The following OPCML variants were observed in gnomAD, a reference collection of about 807,000 sequenced individuals.
The protein encoded by OPCML is opioid binding protein/cell adhesion molecule like.
OPCML carries 13 observed loss-of-function variants against 37.8 expected under a neutral mutation model. That is an observed-to-expected ratio of 0.34 (90% CI 0.22 to 0.55). OPCML has a LOEUF of 0.55. Ranked by LOEUF, OPCML falls within the 20% of genes least tolerant of loss-of-function variation. The pLI is 0.91. For synonymous variants in OPCML, 176 were observed against 168.8 expected (o/e 1.04, Z -0.33); for missense variants, 341 against 435.6 (o/e 0.78, Z 1.93).
At chr11:132,437,703 A>G (rs2096017936) in intron 4 of OPCML, among the ~76,000 whole-genome samples, 1 of 152,254 alleles carries the variant, frequency 6.6e-6, no homozygotes, top group African/African-American at 2.4e-5. Context: ...TGATATTTTA[A>G]AAAGAACTGT....
At chr11:133,171,261 G>A (rs769809733) in intron 1 of OPCML, among the ~76,000 whole-genome samples, 9 of 152,172 alleles carry the variant, frequency 5.9e-5, no homozygotes, top group Admixed American at 2.0e-4. Context: ...CATTATCTCT[G>A]TCTTCCATTA....
intron 1 of OPCML, chr11:133,301,353 T>A (rs1237883408): frequency 1.3e-5 from 2 of 152,212 alleles, no homozygotes; most frequent in Non-Finnish European, 2.9e-5. Context: ...TTCTACAAAT[T>A]TTGGAAACAA....
chr11:132,559,953 C>T (rs1027396079), intron 3 of OPCML, among the ~76,000 whole-genome samples: 10 of 152,184 alleles, frequency 6.6e-5, no homozygotes, highest in African/African-American at 2.2e-4. Context: ...AAGTATCCCT[C>T]ACTTTATATA....
chr11:133,047,281 C>T (rs1473572793), intron 1 of OPCML, among the ~76,000 whole-genome samples: 2 of 152,218 alleles, frequency 1.3e-5, no homozygotes. Context: ...ATGAGTGTTC[C>T]TCTGAGTTCA....
chr11:132,804,984 T>A (rs1332523964), intron 2 of OPCML, among the ~76,000 whole-genome samples: 1 of 152,180 alleles, frequency 6.6e-6, no homozygotes, highest in Non-Finnish European at 1.5e-5. Context: ...AAAGCAGCCA[T>A]TATAAATATA....
intron 1 of OPCML, among the ~76,000 whole-genome samples, chr11:133,116,805 C>CATGCATATATATATATATATATATAT (rs1949341565): frequency 6.9e-6 from 1 of 144,158 alleles, no homozygotes; most frequent in Non-Finnish European, 1.5e-5. Context: ...TAAAACTATA[C>CATGCATATATATATATATATATATAT]ATATATATAT....
At chr11:132,609,390 C>G (rs1364080302) in intron 3 of OPCML, among the ~76,000 whole-genome samples, 2 of 152,186 alleles carry the variant, frequency 1.3e-5, no homozygotes, top group African/African-American at 2.4e-5. Flanking sequence ...TCCACCAGGC[C>G]TCACTGCCTC....
At chr11:133,008,213 G>T in intron 1 of OPCML, 1 of 985,404 alleles carries the variant, frequency 1.0e-6, no homozygotes, top group South Asian at 4.7e-5. Flanking sequence ...ATTAAGCTCA[G>T]ACCCTACACA....
At chr11:133,186,484 G>A (rs996706517) in intron 1 of OPCML, among the ~76,000 whole-genome samples, 4 of 149,334 alleles carry the variant, frequency 2.7e-5, no homozygotes, top group African/African-American at 9.9e-5. Flanking sequence ...GAATACAGGA[G>A]AGATGAGAGA....
chr11:133,298,244 AAAGAT>A (rs1942677458), intron 1 of OPCML: 2 of 152,182 alleles, frequency 1.3e-5, no homozygotes, highest in African/African-American at 4.8e-5. Flanking sequence ...GACACAGTAT[AAAGAT>A]AGCCAAGAAG....
chr11:133,026,883 TAG>T (rs1277915956), intron 1 of OPCML, among the ~76,000 whole-genome samples: 1 of 152,212 alleles, frequency 6.6e-6, no homozygotes, highest in Admixed American at 6.5e-5. Flanking sequence ...ATACATATGT[TAG>T]AGTGTCTTGA....
intron 2 of OPCML, among the ~76,000 whole-genome samples, chr11:132,921,742 A>G (rs895066582): frequency 3.0e-4 from 45 of 152,296 alleles, no homozygotes; most frequent in African/African-American, 1.0e-3. Context: ...GTTGTATGAG[A>G]AGGTGATGTC....
intron 4 of OPCML, among the ~76,000 whole-genome samples, chr11:132,439,138 C>A (rs2136758729): frequency 6.6e-6 from 1 of 152,194 alleles, no homozygotes; most frequent in South Asian, 2.1e-4. Context: ...TGACAGGGTC[C>A]CAAAATGTAC....
chr11:132,664,293 T>C (rs1188983948), intron 2 of OPCML, among the ~76,000 whole-genome samples: 4 of 152,180 alleles, frequency 2.6e-5, no homozygotes, highest in African/African-American at 4.8e-5. Flanking sequence ...TGGAAATCCA[T>C]GAAAATCTTG....
At chr11:132,470,763 T>C (rs1299552814) in intron 4 of OPCML, among the ~76,000 whole-genome samples, 1 of 152,224 alleles carries the variant, frequency 6.6e-6, no homozygotes, top group Non-Finnish European at 1.5e-5. Flanking sequence ...GAGCTAGGAT[T>C]GAAACCCAGA....
At chr11:133,493,363 G>A (rs539525379) in intron 1 of OPCML, among the ~76,000 whole-genome samples, 1 of 152,352 alleles carries the variant, frequency 6.6e-6, no homozygotes, top group East Asian at 1.9e-4. Context: ...TAAGTAGAAA[G>A]TGAGGATAAA....
At position 133,140,886 on chromosome 11, in the gene OPCML, C is replaced by CAACGAAGAA. The variant is rs1949787033; in HGVS notation, c.62-197877_62-197876insTTCTTCGTT. ...ACGACGACGACGAAGAAGACGACGA[C>CAACGAAGAA]GACGACGAAGACGACGACGACGAAG... On this transcript the variant is annotated intron_variant, in intron 1 of 7. Transcript: ENST00000524381. Among the ~76,000 whole-genome samples, 2 of 10,090 alleles carry CAACGAAGAA rather than the reference C, an allele frequency of 2.0e-4. 1 individual carries two copies. Among genetic ancestry groups the CAACGAAGAA allele is most frequent in the Non-Finnish European group, 1.2e-3 (2 of 1,666 alleles). The allele number at this position is 10,090 out of a possible 152,430, so 6.6% of individuals were successfully genotyped here.
intron 1 of OPCML, among the ~76,000 whole-genome samples, chr11:133,119,744 A>G (rs1490575189): frequency 6.6e-6 from 1 of 152,208 alleles, no homozygotes; most frequent in Non-Finnish European, 1.5e-5. Flanking sequence ...AGTAATGAGA[A>G]GTTCACCAGT....
intron 1 of OPCML, among the ~76,000 whole-genome samples, chr11:133,449,728 A>C (rs1302812620): frequency 1.3e-5 from 2 of 151,548 alleles, no homozygotes; most frequent in Non-Finnish European, 2.9e-5. Flanking sequence ...AATGGGGTTC[A>C]CTGTAAATCC....
Sources: gnomAD v4.1 joint callset for allele counts (sites outside exome capture counted in the v4.1 genomes callset) on GRCh38, gnomAD v4.1.1 for gene constraint, MANE v1.5 for transcripts, NCBI Gene and HGNC (gene_info 2026-07-23, HGNC 2026-07-21) for gene names.